The following DOT1L variants were observed in gnomAD, a reference collection of about 807,000 sequenced individuals.
DOT1L encodes histone-lysine N-methyltransferase, H3 lysine-79 specific.
In DOT1L, 33 loss-of-function variants were observed where a neutral mutation model predicts 153.3. The ratio of observed to expected loss-of-function variants is 0.22; its 90% CI spans 0.16 to 0.29. The LOEUF is 0.29. Among genes scored for constraint, DOT1L ranks in the 10% least tolerant of loss-of-function variants. DOT1L has a pLI of 1.00. For synonymous variants in DOT1L, 1,135 were observed against 965.1 expected (o/e 1.18, Z -3.26); for missense variants, 1,847 against 2,119.9 (o/e 0.87, Z 2.53).
intron 2 of DOT1L, among the ~76,000 whole-genome samples, chr19:2,184,361 C>T (rs2022394767): frequency 6.6e-6 from 1 of 152,102 alleles, no homozygotes; most frequent in African/African-American, 2.4e-5. Context: ...GCCCTTCTGA[C>T]AGGATGCTGT....
intron 9 of DOT1L, among the ~76,000 whole-genome samples, chr19:2,203,207 A>G (rs761168918): frequency 1.3e-5 from 2 of 152,170 alleles, no homozygotes; most frequent in African/African-American, 2.4e-5. Flanking sequence ...GGTTCAAGCA[A>G]TTCTGCCTCA....
At chr19:2,227,173 G>A in intron 27 of DOT1L, 46 bp downstream of exon 27, 4 of 1,578,094 alleles carry the variant, frequency 2.5e-6, no homozygotes, top group African/African-American at 1.3e-5. Context: ...GGCCCCCGCC[G>A]GAGGCCCCTT....
At chr19:2,177,332 T>C (rs1333370664) in intron 1 of DOT1L, among the ~76,000 whole-genome samples, 1 of 152,120 alleles carries the variant, frequency 6.6e-6, no homozygotes, top group Non-Finnish European at 1.5e-5. Flanking sequence ...GTTTTGCTCT[T>C]GTCGCCCAGG....
chr19:2,194,494 G>A (rs1470335068), intron 6 of DOT1L, 21 bp from the exon 7 acceptor site: 4 of 1,613,886 alleles, frequency 2.5e-6, no homozygotes, highest in African/African-American at 2.7e-5. Context: ...TGTAACGGGC[G>A]TTTGGTTTCT....
intron 2 of DOT1L, among the ~76,000 whole-genome samples, chr19:2,181,497 C>T (rs2022229508): frequency 6.6e-6 from 1 of 152,196 alleles, no homozygotes; most frequent in Non-Finnish European, 1.5e-5. Context: ...CTCCTGAGGC[C>T]CTGTAGTTCA....
chr19:2,178,416 T>A lies in DOT1L; in HGVS notation c.82-2297T>A, dbSNP rs531964592. ...CTCCAAAACACACTTCACTTTGAAA[T>A]TTTTTTTTTTTTTTTTTTTGAGACG... On this transcript the variant is annotated intron_variant, in intron 1 of 27. Coordinates refer to ENST00000398665, the MANE Select transcript of DOT1L (RefSeq NM_032482.3). Among the ~76,000 whole-genome samples, 178 of 112,736 alleles carry A rather than the reference T, an allele frequency of 1.6e-3. 5 individuals carry two copies. The South Asian group carries it at 0.045, about 29-fold the overall frequency. 74.0% of individuals were successfully genotyped at this position (112,736 alleles called of 152,430 possible).
Position 2,193,653 on chromosome 19 carries a change from C to T in DOT1L, c.494-36C>T, listed in dbSNP as rs780829175. 2.2e-5 allele frequency: 36 copies of T among 1,602,204 alleles called. No homozygotes were observed. The highest frequency in any genetic ancestry group is 1.3e-4 in the South Asian group (12 of 90,694). On this transcript the variant is annotated intron_variant, in intron 5 of 27. Transcript: ENST00000398665. This position sits in a 1 kb window ranked among gnomAD's most constrained non-coding sequence, Gnocchi z 5.9. ...CACGGCCTCCCGGGTGGCATCTGAGCGCTGTGTGGTATCTGATGGATCTCT... is the reference window on the plus strand; with the variant it reads ...CACGGCCTCCCGGGTGGCATCTGAGTGCTGTGTGGTATCTGATGGATCTCT...
intron 19 of DOT1L, among the ~76,000 whole-genome samples, chr19:2,214,947 G>A (rs969916991): frequency 6.6e-6 from 1 of 152,190 alleles, no homozygotes; most frequent in African/African-American, 2.4e-5. Context: ...TCGGTGCAGG[G>A]GCTTATGCCT....
intron 1 of DOT1L, among the ~76,000 whole-genome samples, chr19:2,177,394 T>C (rs1257115515): frequency 6.6e-6 from 1 of 152,052 alleles, no homozygotes; most frequent in African/African-American, 2.4e-5. Context: ...CCTCCCGGGT[T>C]CAAGCAAGTC....
In DOT1L at chr19:2,226,550, G is replaced by A. The variant is rs765656549; in HGVS notation, c.4029G>A (p.Glu1343=). 1.2e-6 allele frequency: 2 copies of A among 1,600,656 alleles called. No homozygotes were observed. Among genetic ancestry groups the A allele is most frequent in the Non-Finnish European group, 1.7e-6 (2 of 1,179,424 alleles). The change falls in exon 27 of 28, where the codon GAG becomes GAA. Residue 1343 remains glutamate (E), a synonymous_variant. Coordinates refer to ENST00000398665, the MANE Select transcript of DOT1L (RefSeq NM_032482.3). ...CTTCTCTTCCCCACAAGGGCCCCGA[G>A]GCGGCCGGCCTGAGCTCCCCGCTGA... ...DGASLPHKGP[E]AAGLSSPLSF...
chr19:2,218,195 A>G (rs190337270), intron 22 of DOT1L, among the ~76,000 whole-genome samples: 1 of 152,308 alleles, frequency 6.6e-6, no homozygotes, highest in East Asian at 1.9e-4. Flanking sequence ...CCTGGCTCCC[A>G]GCCTCACTCC....
chr19:2,191,567 C>T lies in DOT1L; in HGVS notation c.493+327C>T, dbSNP rs774306790. Reference sequence around the variant, plus strand: ...ACCCTCTACTGCTCGCTCCCAGAAGCTGCCACTCGCTAGCCTGGGCCCCAG... The same window carrying T: ...ACCCTCTACTGCTCGCTCCCAGAAGTTGCCACTCGCTAGCCTGGGCCCCAG... On this transcript the variant is annotated intron_variant, in intron 5 of 27. Transcript: ENST00000398665. The surrounding 1 kb of genome is among the most constrained non-coding windows in gnomAD (Gnocchi z 6.8). Among the ~76,000 whole-genome samples, 4 of 152,132 alleles carry T rather than the reference C, an allele frequency of 2.6e-5. No homozygotes were observed. The highest frequency in any genetic ancestry group is 6.5e-5 in the Admixed American group (1 of 15,280).
chr19:2,164,035 CG>C lies in DOT1L; in HGVS notation c.-148del. The stretch of plus-strand genomic sequence containing the variant: ...GGGGCCGGGCCGGACCGGAGCGCGG[CG>C]GCGGCGGCGGCGGCGGCCGAGGCCG... On this transcript the variant is annotated 5_prime_UTR_variant, in exon 1 of 28. Transcript: ENST00000398665. 1 of 337,742 alleles carries C rather than the reference CG, an allele frequency of 3.0e-6. No homozygotes were observed. The highest frequency in any genetic ancestry group is 4.4e-6 in the Non-Finnish European group (1 of 225,380). The allele number at this position is 337,742 out of a possible 1,614,324, so 20.9% of individuals were successfully genotyped here. A position where few individuals can be genotyped will look rare whatever the true frequency, so the allele number is the denominator to read the frequency against.
intron 1 of DOT1L, among the ~76,000 whole-genome samples, chr19:2,177,437 C>T (rs925620160): frequency 1.3e-5 from 2 of 152,134 alleles, no homozygotes; most frequent in African/African-American, 2.4e-5. Flanking sequence ...GCTGGAATTA[C>T]AGGCACCCGC....
intron 25 of DOT1L, among the ~76,000 whole-genome samples, 153 bp from the exon 26 acceptor site, chr19:2,225,235 C>T (rs1392184667): frequency 1.3e-5 from 2 of 152,172 alleles, no homozygotes; most frequent in Non-Finnish European, 2.9e-5. Flanking sequence ...CCAGTCCAGG[C>T]CTGGCCCAGG....
Position 2,189,930 on chromosome 19 carries a change from G to A in DOT1L, c.264+135G>A, listed in dbSNP as rs2022716101. ...GGGATTGGAATGTGCAGCGTGGGGGGACGATGGGCTGTGGGTGAGTGGTGT... is the reference window on the plus strand; with the variant it reads ...GGGATTGGAATGTGCAGCGTGGGGGAACGATGGGCTGTGGGTGAGTGGTGT... On this transcript the variant is annotated intron_variant, in intron 4 of 27. Transcript: ENST00000398665. The A allele has an allele frequency of 4.0e-6, 4 of 998,492 alleles. No homozygotes were observed. The South Asian group carries it at 4.2e-5, about 11-fold the overall frequency. 61.9% of individuals were successfully genotyped at this position (998,492 alleles called of 1,614,324 possible).
In DOT1L at chr19:2,193,570, T is replaced by G. The variant is rs1477417567; in HGVS notation, c.494-119T>G. ...GAGCATCGGATATGTGTGGAGACTG[T>G]GGCCTCCCCTGTGGGTCTTCATGGC... On this transcript the variant is annotated intron_variant, in intron 5 of 27. Coordinates refer to ENST00000398665, the MANE Select transcript of DOT1L (RefSeq NM_032482.3). This position sits in a 1 kb window ranked among gnomAD's most constrained non-coding sequence, Gnocchi z 5.9. The G allele has an allele frequency of 1.2e-6, 1 of 845,294 alleles. No homozygotes were observed. The highest frequency in any genetic ancestry group is 1.9e-6 in the Non-Finnish European group (1 of 527,938). 52.4% of individuals were successfully genotyped at this position (845,294 alleles called of 1,614,324 possible). A position where few individuals can be genotyped will look rare whatever the true frequency, so the allele number is the denominator to read the frequency against.
intron 27 of DOT1L, chr19:2,228,178 G>A (rs749533988): frequency 2.2e-6 from 3 of 1,364,010 alleles, no homozygotes; most frequent in South Asian, 1.1e-5. Context: ...CCGCACAAGG[G>A]CGCCCGCCCC....
chr19:2,218,927 G>A (rs1167912354), intron 22 of DOT1L, among the ~76,000 whole-genome samples: 6 of 151,630 alleles, frequency 4.0e-5, no homozygotes, highest in African/African-American at 9.7e-5. Flanking sequence ...GCAGTGGCAC[G>A]ATCTTGTGAT....
Sources: allele counts gnomAD v4.1 joint callset (sites outside exome capture counted in the v4.1 genomes callset), GRCh38; gene constraint gnomAD v4.1.1; non-coding constraint Gnocchi (gnomAD v3.1); transcripts MANE v1.5; gene names NCBI Gene and HGNC (gene_info 2026-07-23, HGNC 2026-07-21).